Variants in VWF observed in about 807,000 individuals in gnomAD.
VWF encodes the protein von Willebrand factor, also known as Factor VIII related antigen.
VWF carries 176 observed loss-of-function variants against 308.6 expected under a neutral mutation model. That is an observed-to-expected ratio of 0.57 (90% CI 0.50 to 0.65). The LOEUF is 0.65. Among genes scored for constraint, VWF ranks in the 30% least tolerant of loss-of-function variants. The probability of loss-of-function intolerance (pLI) is 0.00; values close to 1 mark genes in which losing one functional copy is unlikely to be tolerated. For synonymous variants in VWF, 1,385 were observed against 1,443.4 expected (o/e 0.96, Z 0.92); for missense variants, 3,146 against 3,648.2 (o/e 0.86, Z 3.55).
intron 6 of VWF, among the ~76,000 whole-genome samples, chr12:6,077,362 C>A (rs1944856099): frequency 6.6e-6 from 1 of 152,200 alleles, no homozygotes; most frequent in Non-Finnish European, 1.5e-5. Flanking sequence ...CACCCACCGG[C>A]ATGGGCTGCT....
At chr12:6,038,841 A>T in intron 18 of VWF, among the ~76,000 whole-genome samples, 1 of 152,208 alleles carries the variant, frequency 6.6e-6, no homozygotes, top group Non-Finnish European at 1.5e-5. Flanking sequence ...ATCTTCAATG[A>T]GAGGAAAGGG....
In VWF at chr12:5,949,237, A is replaced by G. The variant is rs79232084; in HGVS notation, c.8254-34T>C. On this transcript the variant is annotated intron_variant, in intron 51 of 51. Coordinates refer to ENST00000261405, the MANE Select transcript of VWF (RefSeq NM_000552.5). ...AAGCAGAGGAAGATGGGAGCTTCACAATGGTGGGAAGTCCTGGCTTAGGCA... is the reference window on the plus strand; with the variant it reads ...AAGCAGAGGAAGATGGGAGCTTCACGATGGTGGGAAGTCCTGGCTTAGGCA... 1.1e-3 allele frequency: 1,827 copies of G among 1,607,554 alleles called. 23 individuals are homozygous for G. The African/African-American group carries it at 0.021, about 19-fold the overall frequency.
At position 6,065,247 on chromosome 12, in the gene VWF, G is replaced by A. The variant is rs1402782763; in HGVS notation, c.1183C>T (p.His395Tyr). 6.2e-7 allele frequency: 1 copy of A among 1,614,050 alleles called. No homozygotes were observed. The highest frequency in any genetic ancestry group is 8.5e-7 in the Non-Finnish European group (1 of 1,180,036). ...TATCTGTTGTCAAAGCTCTTGAAGTGTGATTGACCTGTGACAAGGCACTCC... is the reference window on the plus strand; with the variant it reads ...TATCTGTTGTCAAAGCTCTTGAAGTATGATTGACCTGTGACAAGGCACTCC... The part of the protein sequence containing the change: ...PGECLVTGQS[H>Y]FKSFDNRYFT... Residue 395 changes from histidine (H) to tyrosine (Y), a missense_variant, in exon 11 of 52, where the codon CAC becomes TAC. Physicochemically the swap from His to Tyr is moderately conservative, Grantham distance 83. Around this residue, in one of 3 missense-constraint regions of VWF, gnomAD observed 1,304 missense variants for 1,353.0 expected, o/e 0.96. Transcript: ENST00000261405.
At position 6,031,449 on chromosome 12, in the gene VWF, C is replaced by T. The variant is rs147408448; in HGVS notation, c.2815G>A (p.Gly939Arg). Residue 939 changes from glycine to arginine, a missense_variant, in exon 21 of 52, where the codon GGG (glycine) becomes AGG (arginine). By Grantham distance (125) the Gly-to-Arg change is moderately radical. Transcript: ENST00000261405. ...GGAGATGAGGCTGCACTTACCTCCCCGTCAAACAGCTCAATCTCTCCTCCC... is the reference window on the plus strand; with the variant it reads ...GGAGATGAGGCTGCACTTACCTCCCTGTCAAACAGCTCAATCTCTCCTCCC... ...VEGGEIELFD[G>R]EVNVKRPMKD... 90 of 1,614,168 alleles carry T rather than the reference C, an allele frequency of 5.6e-5. No individual in the cohort carries two copies. The African/African-American group carries it at 9.6e-4, about 17-fold the overall frequency.
intron 44 of VWF, among the ~76,000 whole-genome samples, chr12:5,970,175 C>T (rs988753227): frequency 5.0e-4 from 76 of 152,176 alleles, no homozygotes; most frequent in African/African-American, 1.8e-3. Flanking sequence ...GGCCTGATTC[C>T]ACCCTCCAGA....
intron 6 of VWF, among the ~76,000 whole-genome samples, chr12:6,092,601 G>C (rs1464143565): frequency 2.6e-5 from 2 of 76,510 alleles, no homozygotes; most frequent in Non-Finnish European, 5.1e-5. Flanking sequence ...TGCCCAGCTA[G>C]TTAGTGAGTG....
At chr12:6,078,681 C>T (rs991778020) in intron 6 of VWF, among the ~76,000 whole-genome samples, 1 of 152,162 alleles carries the variant, frequency 6.6e-6, no homozygotes, top group Admixed American at 6.5e-5. Context: ...AGGACTGATT[C>T]CTGCAGGCAC....
chr12:6,031,467 CTCCTCCCTCCACCAGGATGGTGACCCGTT>C lies in VWF; in HGVS notation c.2768_2796del (p.Lys923ArgfsTer3). ...ACCTCCCCGTCAAACAGCTCAATCTCTCCTCCCTCCACCAGGATGGTGACCCGTTTCTTGCATTTCACTGAGGGGTGGCT... is the reference window on the plus strand; with the variant it reads ...ACCTCCCCGTCAAACAGCTCAATCTCTCTTGCATTTCACTGAGGGGTGGCT... On this transcript the variant is annotated frameshift_variant, in exon 21 of 52. Coordinates refer to ENST00000261405, the MANE Select transcript of VWF (RefSeq NM_000552.5). LOFTEE classifies it high-confidence loss of function. 4 of 1,614,174 alleles carry C rather than the reference CTCCTCCCTCCACCAGGATGGTGACCCGTT, an allele frequency of 2.5e-6. No individual in the cohort carries two copies. The highest frequency in any genetic ancestry group is 3.4e-6 in the Non-Finnish European group (4 of 1,180,044).
At chr12:5,982,451 GA>G (rs1192585287) in intron 41 of VWF, among the ~76,000 whole-genome samples, 1 of 152,172 alleles carries the variant, frequency 6.6e-6, no homozygotes. Flanking sequence ...AATCAGTGTG[GA>G]ATGAAAGATT....
chr12:5,990,937 A>G (rs1389236856), intron 38 of VWF, among the ~76,000 whole-genome samples: 1 of 150,096 alleles, frequency 6.7e-6, no homozygotes, highest in Admixed American at 6.7e-5. Flanking sequence ...TCCCAAGCAA[A>G]TCAGCCCAAA....
At chr12:5,969,837 G>T (rs1943450309) in intron 44 of VWF, among the ~76,000 whole-genome samples, 1 of 152,184 alleles carries the variant, frequency 6.6e-6, no homozygotes, top group Non-Finnish European at 1.5e-5. Context: ...CTGCAGCCCT[G>T]CAATCTGTCC....
chr12:6,051,628 G>A (rs1944514019), intron 16 of VWF, among the ~76,000 whole-genome samples: 1 of 152,114 alleles, frequency 6.6e-6, no homozygotes, highest in African/African-American at 2.4e-5. Flanking sequence ...ACTGTGTCTG[G>A]TGACTGGATT....
chr12:5,964,263 CATA>C lies in VWF; in HGVS notation c.7887+3220_7887+3222del, dbSNP rs1943368409. Reference sequence around the variant, plus strand: ...ACATACATACATGCATACATACATACATACATACATGCATACATACATGCATAC... The same window carrying C: ...ACATACATACATGCATACATACATACCATACATGCATACATACATGCATAC... On this transcript the variant is annotated intron_variant, in intron 47 of 51. Transcript: ENST00000261405. 2.7e-5 allele frequency among the ~76,000 whole-genome samples: 4 copies of C among 146,406 alleles called. 1 individual carries two copies. The South Asian group carries it at 8.4e-4, about 31-fold the overall frequency.
chr12:5,983,794 GAGAT>G (rs11268064), intron 40 of VWF, among the ~76,000 whole-genome samples: 85 of 148,780 alleles, frequency 5.7e-4, no homozygotes, highest in South Asian at 2.2e-3. Flanking sequence ...AGATACAATA[GAGAT>G]AGATAGATAG....
chr12:6,073,123 T>G (rs900905008), intron 8 of VWF, among the ~76,000 whole-genome samples: 7 of 152,120 alleles, frequency 4.6e-5, no homozygotes, highest in African/African-American at 1.7e-4. Flanking sequence ...CATCTCGGCT[T>G]CCAAAAGTGC....
intron 6 of VWF, among the ~76,000 whole-genome samples, chr12:6,090,852 G>A (rs987701212): frequency 1.3e-5 from 2 of 152,172 alleles, no homozygotes; most frequent in South Asian, 2.1e-4. Flanking sequence ...TTAGCACCAC[G>A]CTCACGCCGA....
intron 47 of VWF, among the ~76,000 whole-genome samples, chr12:5,960,007 A>G (rs1943294475): frequency 6.7e-6 from 1 of 149,400 alleles, no homozygotes; most frequent in Admixed American, 6.7e-5. Flanking sequence ...AAAAATATAA[A>G]AAGTAAAACA....
At chr12:6,051,605 T>C (rs578252462) in intron 16 of VWF, among the ~76,000 whole-genome samples, 6 of 152,300 alleles carry the variant, frequency 3.9e-5, no homozygotes, top group Admixed American at 1.3e-4. Context: ...TCTTCCCTAG[T>C]AGACTATCAG....
intron 3 of VWF, among the ~76,000 whole-genome samples, chr12:6,113,546 G>A (rs1239232598): frequency 6.6e-6 from 1 of 152,064 alleles, no homozygotes. Flanking sequence ...TGCCTGCCTG[G>A]GCCTCCCAAA....
Sources: allele counts gnomAD v4.1 joint callset (sites outside exome capture counted in the v4.1 genomes callset), GRCh38; gene constraint gnomAD v4.1.1; regional missense constraint gnomAD v4.1.1; transcripts MANE v1.5; gene names NCBI Gene and HGNC (gene_info 2026-07-23, HGNC 2026-07-21).